KSR2: variants seen among roughly 807,000 people sequenced by gnomAD.
KSR2 encodes kinase suppressor of ras 2.
Under a neutral mutation model 107.8 loss-of-function variants are expected in KSR2, and 25 were observed. The observed-to-expected ratio is 0.23, with a 90% confidence interval of 0.17 to 0.32. KSR2 has a LOEUF of 0.32. KSR2 is among the 10% of genes least tolerant of loss of function. The pLI, the probability that KSR2 is intolerant of heterozygous loss-of-function variation, is 1.00. For synonymous variants in KSR2, 480 were observed against 507.0 expected, an observed-to-expected ratio of 0.95 and a Z score of 0.71; for missense variants, 887 against 1,268.9, an observed-to-expected ratio of 0.70 and a Z score of 4.57.
intron 7 of KSR2, among the ~76,000 whole-genome samples, chr12:117,577,436 A>G (rs1465166396): frequency 6.6e-6 from 1 of 152,212 alleles, no homozygotes; most frequent in Non-Finnish European, 1.5e-5. Context: ...TGAGCGAGGC[A>G]CTGTGTTATG....
At chr12:117,880,557 G>A (rs1313002835) in intron 1 of KSR2, among the ~76,000 whole-genome samples, 1 of 151,926 alleles carries the variant, frequency 6.6e-6, no homozygotes, top group Non-Finnish European at 1.5e-5. Context: ...CAAGTTATGA[G>A]GCAGACCTGG....
In KSR2 at chr12:117,464,779, A is replaced by C. The variant is rs888298275; in HGVS notation, c.*2420T>G. The C allele has an allele frequency of 6.6e-6, 1 of 152,322 alleles. No individual in the cohort carries two copies. Among genetic ancestry groups the C allele is most frequent in the African/African-American group, 2.4e-5 (1 of 41,440 alleles). 9.4% of individuals were successfully genotyped at this position (152,322 alleles called of 1,614,324 possible). On this transcript the variant is annotated 3_prime_UTR_variant, in exon 20 of 20. Transcript: ENST00000339824. ...AGTCAAGAGCAAGTGACTCAGATTCAGGGATGGACCCAAGGCACCCTGTTC... is the reference window on the plus strand; with the variant it reads ...AGTCAAGAGCAAGTGACTCAGATTCCGGGATGGACCCAAGGCACCCTGTTC...
chr12:117,865,703 C>G (rs912386236), intron 1 of KSR2, among the ~76,000 whole-genome samples: 2 of 152,082 alleles, frequency 1.3e-5, no homozygotes, highest in African/African-American at 4.8e-5. Flanking sequence ...AAGCCAGTGA[C>G]GTCATGCCTC....
At chr12:117,767,360 C>A (rs1424700851) in intron 3 of KSR2, among the ~76,000 whole-genome samples, 1 of 150,998 alleles carries the variant, frequency 6.6e-6, no homozygotes, top group Non-Finnish European at 1.5e-5. Flanking sequence ...TGGCGTGAAC[C>A]CGGGAGGCGG....
intron 14 of KSR2, among the ~76,000 whole-genome samples, chr12:117,488,976 G>C (rs1370469415): frequency 6.6e-6 from 1 of 152,212 alleles, no homozygotes; most frequent in Non-Finnish European, 1.5e-5. Flanking sequence ...ATATGTTCAT[G>C]CTGTACTATA....
At chr12:117,916,801 C>T (rs370248228) in intron 1 of KSR2, among the ~76,000 whole-genome samples, 13 of 152,320 alleles carry the variant, frequency 8.5e-5, no homozygotes, top group East Asian at 5.8e-4. Context: ...CAAGTTTCAA[C>T]GCACCATTTA....
chr12:117,905,113 C>T (rs752701290), intron 1 of KSR2, among the ~76,000 whole-genome samples: 4 of 152,040 alleles, frequency 2.6e-5, no homozygotes, highest in Admixed American at 2.0e-4. Flanking sequence ...ACCTGGGAGG[C>T]GGAGGTTGCA....
At chr12:117,700,878 T>C (rs1439959520) in intron 4 of KSR2, among the ~76,000 whole-genome samples, 1 of 152,180 alleles carries the variant, frequency 6.6e-6, no homozygotes, top group African/African-American at 2.4e-5. Context: ...GAATAAATGA[T>C]TCCAGATGGT....
At chr12:117,522,532 C>T (rs1262930272) in intron 14 of KSR2, among the ~76,000 whole-genome samples, 1 of 152,170 alleles carries the variant, frequency 6.6e-6, no homozygotes, top group Non-Finnish European at 1.5e-5. Flanking sequence ...AGCTAAGGGC[C>T]TCTCTGTAGT....
At chr12:117,884,762 T>C (rs2137333158) in intron 1 of KSR2, among the ~76,000 whole-genome samples, 1 of 152,264 alleles carries the variant, frequency 6.6e-6, no homozygotes, top group East Asian at 1.9e-4. Flanking sequence ...ATGTAGAGTC[T>C]AAGTGCTGCA....
chr12:117,900,677 C>T (rs1894654022), intron 1 of KSR2, among the ~76,000 whole-genome samples: 4 of 152,166 alleles, frequency 2.6e-5, no homozygotes, highest in Admixed American at 2.6e-4. Context: ...CTGCTTTTTA[C>T]TGTCTTTCTT....
intron 7 of KSR2, 49 bp downstream of exon 7, chr12:117,579,070 A>G: frequency 7.5e-7 from 1 of 1,339,168 alleles, no homozygotes; most frequent in Non-Finnish European, 1.1e-6. Flanking sequence ...GCATGGTTCT[A>G]GCTGACATCG....
chr12:117,891,981 C>CAGAGTGAGAACCTGTCTCACA (rs1555254360), intron 1 of KSR2, among the ~76,000 whole-genome samples: 4 of 150,114 alleles, frequency 2.7e-5, no homozygotes, highest in Admixed American at 2.0e-4. Flanking sequence ...GCCTGGGTAA[C>CAGAGTGAGAACCTGTCTCACA]AGAGTGAGAC....
chr12:117,957,188 T>C (rs1009035819), intron 1 of KSR2, among the ~76,000 whole-genome samples: 2 of 151,988 alleles, frequency 1.3e-5, no homozygotes, highest in Non-Finnish European at 2.9e-5. Flanking sequence ...CTTTGGGGAG[T>C]CCACAGGAGA....
At chr12:117,926,304 T>C (rs1299902869) in intron 1 of KSR2, among the ~76,000 whole-genome samples, 1 of 152,252 alleles carries the variant, frequency 6.6e-6, no homozygotes, top group Non-Finnish European at 1.5e-5. Context: ...CTAGCCCATC[T>C]TGTTTTCTGC....
At chr12:117,901,731 A>G (rs1437887193) in intron 1 of KSR2, among the ~76,000 whole-genome samples, 2 of 152,198 alleles carry the variant, frequency 1.3e-5, no homozygotes, top group Non-Finnish European at 2.9e-5. Flanking sequence ...CCATGCAATA[A>G]GAACCGTCAT....
At chr12:117,796,074 G>A (rs1366519017) in intron 3 of KSR2, among the ~76,000 whole-genome samples, 2 of 147,408 alleles carry the variant, frequency 1.4e-5, no homozygotes, top group South Asian at 2.2e-4. Flanking sequence ...CCACAGGTAT[G>A]TGCCACCATG....
intron 4 of KSR2, among the ~76,000 whole-genome samples, chr12:117,746,092 A>C (rs1188686897): frequency 1.3e-5 from 2 of 152,214 alleles, no homozygotes; most frequent in African/African-American, 4.8e-5. Context: ...TTTAAATTTC[A>C]TATGGAACCA....
chr12:117,860,431 T>C lies in KSR2; in HGVS notation c.181A>G (p.Ser61Gly). 6.2e-7 allele frequency: 1 copy of C among 1,606,990 alleles called. No homozygotes were observed. Among genetic ancestry groups the C allele is most frequent in the Non-Finnish European group, 8.5e-7 (1 of 1,176,988 alleles). The change falls in exon 2 of 20, where the codon AGC (serine) becomes GGC (glycine). Residue 61 changes from serine to glycine, a missense_variant and splice_region_variant. Ser to Gly is a moderately conservative substitution (Grantham distance 56). Coordinates refer to ENST00000339824, the MANE Select transcript of KSR2 (RefSeq NM_173598.6). Reference sequence around the variant, plus strand: ...CGGCTGAAGTACTTCACCAGCTTGCTCTGTGGAGACACAGACGAGGACAGA... The same window carrying C: ...CGGCTGAAGTACTTCACCAGCTTGCCCTGTGGAGACACAGACGAGGACAGA... Reference protein sequence around the residue: ...LTQKEIRTLESKLVKYFSRQL... With the variant: ...LTQKEIRTLEGKLVKYFSRQL...
Sources: gnomAD v4.1 joint callset for allele counts (sites outside exome capture counted in the v4.1 genomes callset) on GRCh38, gnomAD v4.1.1 for gene constraint, MANE v1.5 for transcripts, NCBI Gene and HGNC (gene_info 2026-07-23, HGNC 2026-07-21) for gene names.